Variants in ZNF704 observed in about 807,000 individuals in gnomAD.
ZNF704 encodes the protein glucocorticoid induced gene 1.
Under a neutral mutation model 44.7 loss-of-function variants are expected in ZNF704, and 10 were observed. That is an observed-to-expected ratio of 0.22 (90% CI 0.14 to 0.38). ZNF704 has a LOEUF of 0.38. Ranked by LOEUF, ZNF704 falls within the 10% of genes least tolerant of loss-of-function variation. The probability of loss-of-function intolerance (pLI) is 1.00; values close to 1 mark genes in which losing one functional copy is unlikely to be tolerated. For missense variants in ZNF704, 390 were observed against 545.5 expected (o/e 0.71, Z 2.84); for synonymous variants, 211 against 207.6 (o/e 1.02, Z -0.14).
chr8:80,759,277 C>A (rs979856593), intron 2 of ZNF704, among the ~76,000 whole-genome samples: 1 of 148,208 alleles, frequency 6.7e-6, no homozygotes, highest in Admixed American at 6.7e-5. Flanking sequence ...GCTTTTTTTT[C>A]CAGGGCCTTT....
chr8:80,719,006 C>G (rs1392742284), intron 2 of ZNF704, among the ~76,000 whole-genome samples: 1 of 151,922 alleles, frequency 6.6e-6, no homozygotes, highest in African/African-American at 2.4e-5. Flanking sequence ...ACTCTGTTGT[C>G]CAGGCTGGAG....
chr8:80,657,813 TATATATC>T (rs1240575567), intron 7 of ZNF704, among the ~76,000 whole-genome samples: 26 of 152,316 alleles, frequency 1.7e-4, no homozygotes, highest in African/African-American at 5.5e-4. Context: ...TGGTATGTTT[TATATATC>T]ATATATATAC....
intron 1 of ZNF704, among the ~76,000 whole-genome samples, chr8:80,824,912 C>T (rs1808345836): frequency 6.6e-6 from 1 of 152,154 alleles, no homozygotes; most frequent in Non-Finnish European, 1.5e-5. Context: ...CCTAAAAGAG[C>T]TCCTGAAGGA....
rs139434549 is a variant in ZNF704 at position 80,743,435 on chromosome 8, T to A, written c.222-50328A>T. On this transcript the variant is annotated intron_variant, in intron 2 of 8. Coordinates refer to ENST00000327835, the MANE Select transcript of ZNF704 (RefSeq NM_001033723.3). Reference sequence around the variant, plus strand: ...CGATAAATAAATAAATATAAACTAATAGTGGGTAAACATCTCCACATGTAA... The same window carrying A: ...CGATAAATAAATAAATATAAACTAAAAGTGGGTAAACATCTCCACATGTAA... Among the ~76,000 whole-genome samples the A allele has an allele frequency of 1.8e-4, 27 of 152,274 alleles. 1 individual carries two copies. In the East Asian group the frequency reaches 5.0e-3, roughly 28 times the overall value.
At chr8:80,646,815 AT>A (rs1353710114) in intron 7 of ZNF704, among the ~76,000 whole-genome samples, 2 of 152,176 alleles carry the variant, frequency 1.3e-5, no homozygotes, top group African/African-American at 4.8e-5. Flanking sequence ...GCTTATATGA[AT>A]TGTTTTAAAT....
intron 1 of ZNF704, among the ~76,000 whole-genome samples, chr8:80,854,153 T>C (rs1451178812): frequency 6.6e-6 from 1 of 152,210 alleles, no homozygotes; most frequent in African/African-American, 2.4e-5. Context: ...GAAATGATGG[T>C]AAACAGCGTT....
chr8:80,692,381 T>C (rs779006411), intron 3 of ZNF704, among the ~76,000 whole-genome samples: 1 of 152,238 alleles, frequency 6.6e-6, no homozygotes, highest in African/African-American at 2.4e-5. Flanking sequence ...AAGGCAAGCA[T>C]AGTATTTGTT....
At chr8:80,842,165 T>C (rs937755600) in intron 1 of ZNF704, among the ~76,000 whole-genome samples, 1 of 152,160 alleles carries the variant, frequency 6.6e-6, no homozygotes, top group Non-Finnish European at 1.5e-5. Context: ...AAAGAGTCTT[T>C]GTTTGCTGCA....
At chr8:80,793,985 A>G (rs141464744) in intron 2 of ZNF704, among the ~76,000 whole-genome samples, 8 of 152,344 alleles carry the variant, frequency 5.3e-5, no homozygotes, top group East Asian at 1.9e-4. Flanking sequence ...AAGAATTCCA[A>G]ATAACATGGC....
intron 1 of ZNF704, among the ~76,000 whole-genome samples, chr8:80,827,008 C>A (rs1485368485): frequency 1.3e-5 from 2 of 152,162 alleles, no homozygotes; most frequent in Non-Finnish European, 2.9e-5. Flanking sequence ...CCTTTGCAAA[C>A]TGGCACAAGA....
Position 80,687,307 on chromosome 8 carries a change from G to A in ZNF704, c.477C>T (p.Ser159=). The A allele has an allele frequency of 6.2e-7, 1 of 1,612,886 alleles. No individual in the cohort carries two copies. Among genetic ancestry groups the A allele is most frequent in the South Asian group, 1.1e-5 (1 of 91,062 alleles). Residue 159 remains serine, a synonymous_variant, in exon 4 of 9, where the codon AGC becomes AGT. Transcript: ENST00000327835. ...CGATGCCGTCGTCTGGCTGCGCGGG[G>A]CTGCGGAAGGGCTTGAAGCTGTCAG... ...LSADSFKPFR[S]PAQPDDGIDE...
intron 7 of ZNF704, among the ~76,000 whole-genome samples, chr8:80,655,809 C>T (rs73691963): frequency 0.1 from 15,755 of 152,162 alleles, 1,217 homozygotes; most frequent in African/African-American, 0.22. Flanking sequence ...TGAATCTTCC[C>T]TCAAGGCATT....
At chr8:80,745,320 A>G (rs1270148057) in intron 2 of ZNF704, among the ~76,000 whole-genome samples, 19 of 152,156 alleles carry the variant, frequency 1.2e-4, no homozygotes, top group Admixed American at 1.2e-3. Context: ...CGTTGGCTAT[A>G]TTAAGCTTTA....
chr8:80,808,327 A>G (rs1172906562), intron 2 of ZNF704, among the ~76,000 whole-genome samples: 1 of 152,162 alleles, frequency 6.6e-6, no homozygotes, highest in African/African-American at 2.4e-5. Context: ...TAAATTGCCT[A>G]CAAAGAAAGG....
At chr8:80,685,161 AT>A (rs1818515604) in intron 4 of ZNF704, among the ~76,000 whole-genome samples, 1 of 144,822 alleles carries the variant, frequency 6.9e-6, no homozygotes, top group African/African-American at 2.9e-5. Context: ...AAATAAAAAA[AT>A]AAAAAATGTA....
At chr8:80,684,941 G>T (rs1055715515) in intron 4 of ZNF704, among the ~76,000 whole-genome samples, 3 of 152,012 alleles carry the variant, frequency 2.0e-5, no homozygotes, top group Non-Finnish European at 1.5e-5. Context: ...GTAACAACTT[G>T]GTCTGTGTAA....
At chr8:80,643,904 T>C (rs951272237) in intron 7 of ZNF704, among the ~76,000 whole-genome samples, 1 of 152,180 alleles carries the variant, frequency 6.6e-6, no homozygotes, top group Non-Finnish European at 1.5e-5. Context: ...AGTGCAGGTC[T>C]AGGTCTTCTG....
intron 2 of ZNF704, among the ~76,000 whole-genome samples, chr8:80,818,512 C>T (rs1392010252): frequency 1.3e-5 from 2 of 152,074 alleles, no homozygotes; most frequent in Non-Finnish European, 2.9e-5. Context: ...TTTAAAGCAG[C>T]TCTGGATTAC....
intron 5 of ZNF704, among the ~76,000 whole-genome samples, chr8:80,669,275 C>T (rs73691967): frequency 0.044 from 6,723 of 152,178 alleles, 508 homozygotes; most frequent in African/African-American, 0.15. Flanking sequence ...ATTGTCTTGA[C>T]GATGAGATTT....
Sources: gnomAD v4.1 joint callset for allele counts (sites outside exome capture counted in the v4.1 genomes callset) on GRCh38, gnomAD v4.1.1 for gene constraint, MANE v1.5 for transcripts, NCBI Gene and HGNC (gene_info 2026-07-23, HGNC 2026-07-21) for gene names.